OXR1: variants seen among roughly 807,000 people sequenced by gnomAD.
The protein encoded by OXR1 is oxidation resistance 1.
A neutral mutation model predicts 104.6 loss-of-function variants in OXR1; 41 were observed. The ratio of observed to expected loss-of-function variants is 0.39; its 90% CI spans 0.31 to 0.51. The LOEUF (loss-of-function observed/expected upper bound fraction) is 0.51, where lower values mean the gene tolerates loss of function less well. OXR1 is among the 20% of genes least tolerant of loss of function. OXR1 has a pLI of 0.77. For synonymous variants in OXR1, 348 were observed against 348.4 expected, an observed-to-expected ratio of 1.00 and a Z score of 0.01; for missense variants, 955 against 1,031.9, an observed-to-expected ratio of 0.93 and a Z score of 1.02.
chr8:106,427,173 A>G (rs771301236), intron 2 of OXR1, among the ~76,000 whole-genome samples: 5 of 151,830 alleles, frequency 3.3e-5, no homozygotes, highest in Non-Finnish European at 5.9e-5. Flanking sequence ...GAATTTATTT[A>G]TTTATTTATT....
At chr8:106,547,550 A>G (rs140917020) in intron 3 of OXR1, among the ~76,000 whole-genome samples, 4,515 of 144,006 alleles carry the variant, frequency 0.031, 96 homozygotes, top group Non-Finnish European at 0.046. Flanking sequence ...CTGGAATGCA[A>G]TGGCGCAATC....
At chr8:106,510,032 A>G (rs1211564481) in intron 2 of OXR1, among the ~76,000 whole-genome samples, 1 of 152,184 alleles carries the variant, frequency 6.6e-6, no homozygotes, top group Non-Finnish European at 1.5e-5. Context: ...TCAGCCTCCC[A>G]AAGTTCTGGA....
intron 1 of OXR1, among the ~76,000 whole-genome samples, chr8:106,335,776 A>G (rs942137762): frequency 6.6e-6 from 1 of 152,118 alleles, no homozygotes; most frequent in Non-Finnish European, 1.5e-5. Context: ...TTCAGATAAT[A>G]TAGACACATG....
intron 2 of OXR1, among the ~76,000 whole-genome samples, chr8:106,380,879 TAGA>T (rs1817119232): frequency 6.6e-6 from 1 of 152,202 alleles, no homozygotes; most frequent in African/African-American, 2.4e-5. Context: ...TATGATTTCA[TAGA>T]AGTTTTTTGG....
intron 2 of OXR1, among the ~76,000 whole-genome samples, chr8:106,418,047 G>C (rs1331464147): frequency 6.6e-6 from 1 of 152,074 alleles, no homozygotes; most frequent in Non-Finnish European, 1.5e-5. Flanking sequence ...CAAGTGGTCA[G>C]CTATAGTAAA....
chr8:106,409,489 C>A (rs1246140433), intron 2 of OXR1, among the ~76,000 whole-genome samples: 2 of 152,102 alleles, frequency 1.3e-5, no homozygotes, highest in African/African-American at 4.8e-5. Context: ...AGGGATTTAA[C>A]AATTATCATA....
chr8:106,397,611 T>C (rs1273184726), intron 2 of OXR1, among the ~76,000 whole-genome samples: 1 of 152,056 alleles, frequency 6.6e-6, no homozygotes, highest in Admixed American at 6.6e-5. Context: ...TAGTTCCTGT[T>C]TGGGGATTTA....
intron 2 of OXR1, among the ~76,000 whole-genome samples, chr8:106,490,508 G>A (rs576426687): frequency 1.6e-4 from 24 of 152,084 alleles, no homozygotes; most frequent in African/African-American, 3.4e-4. Flanking sequence ...ACAGGCCTGC[G>A]CCACCACACC....
intron 1 of OXR1, among the ~76,000 whole-genome samples, chr8:106,273,124 G>T (rs551236790): frequency 2.0e-5 from 3 of 151,948 alleles, no homozygotes; most frequent in African/African-American, 7.3e-5. Context: ...GCTGGTTCCT[G>T]GTCCTTAAGT....
At chr8:106,489,976 T>C (rs999780374) in intron 2 of OXR1, among the ~76,000 whole-genome samples, 1 of 152,182 alleles carries the variant, frequency 6.6e-6, no homozygotes, top group African/African-American at 2.4e-5. Flanking sequence ...GACAACTGGC[T>C]TAAATTAAAC....
chr8:106,407,709 G>A (rs1352582153), intron 2 of OXR1, among the ~76,000 whole-genome samples: 1 of 152,174 alleles, frequency 6.6e-6, no homozygotes, highest in African/African-American at 2.4e-5. Flanking sequence ...GCATGCCACA[G>A]CAACTGTACG....
intron 3 of OXR1, among the ~76,000 whole-genome samples, chr8:106,590,234 C>T (rs1212302709): frequency 6.6e-6 from 1 of 152,206 alleles, no homozygotes; most frequent in Non-Finnish European, 1.5e-5. Context: ...ATTCTTTCCC[C>T]ATTTCCATCT....
At chr8:106,339,556 A>ATATATATATATAT (rs1586543044) in intron 1 of OXR1, among the ~76,000 whole-genome samples, 4 of 133,722 alleles carry the variant, frequency 3.0e-5, no homozygotes, top group East Asian at 2.2e-4. Context: ...ATATATATAT[A>ATATATATATATAT]AAACGAAATC....
At chr8:106,574,106 T>A (rs1817662308) in intron 3 of OXR1, among the ~76,000 whole-genome samples, 1 of 152,126 alleles carries the variant, frequency 6.6e-6, no homozygotes, top group South Asian at 2.1e-4. Context: ...TTGGGGGTAA[T>A]TAATGGTAAC....
intron 2 of OXR1, among the ~76,000 whole-genome samples, chr8:106,429,266 G>A (rs968279303): frequency 2.6e-5 from 4 of 152,162 alleles, no homozygotes; most frequent in African/African-American, 9.7e-5. Flanking sequence ...CAATGAGGGA[G>A]TGGAGGATGC....
At chr8:106,429,325 T>C (rs935365779) in intron 2 of OXR1, among the ~76,000 whole-genome samples, 14 of 152,108 alleles carry the variant, frequency 9.2e-5, no homozygotes, top group African/African-American at 3.4e-4. Context: ...TTTCTTCTAA[T>C]TGTCTTTAGA....
intron 3 of OXR1, among the ~76,000 whole-genome samples, chr8:106,529,879 T>C (rs982965471): frequency 7.9e-5 from 12 of 152,234 alleles, no homozygotes; most frequent in African/African-American, 1.2e-4. Context: ...CTGGTTTAAT[T>C]TATGGAATAA....
intron 2 of OXR1, among the ~76,000 whole-genome samples, chr8:106,476,272 C>T (rs187913583): frequency 2.6e-5 from 4 of 151,906 alleles, no homozygotes; most frequent in Admixed American, 1.3e-4. Context: ...GAGCATTTTC[C>T]GATACCAAAA....
chr8:106,450,795 C>G (rs1428245916), intron 2 of OXR1, among the ~76,000 whole-genome samples: 3 of 150,760 alleles, frequency 2.0e-5, no homozygotes, highest in African/African-American at 7.3e-5. Context: ...AGTTTTAAGG[C>G]AAAGCAAAGC....
Sources: allele counts gnomAD v4.1 joint callset (sites outside exome capture counted in the v4.1 genomes callset), GRCh38; gene constraint gnomAD v4.1.1; transcripts MANE v1.5; gene names NCBI Gene and HGNC (gene_info 2026-07-23, HGNC 2026-07-21).